Variants in CHERP observed in about 807,000 individuals in gnomAD.
CHERP encodes the protein ERPROT 213-21.
Under a neutral mutation model 113.8 loss-of-function variants are expected in CHERP, and 8 were observed. That is an observed-to-expected ratio of 0.07 (90% CI 0.04 to 0.13). The LOEUF is 0.13. CHERP is among the 10% of genes least tolerant of loss of function. The probability of loss-of-function intolerance (pLI) is 1.00; values close to 1 mark genes in which losing one functional copy is unlikely to be tolerated. For missense variants in CHERP, 884 were observed against 1,298.2 expected (o/e 0.68, Z 4.90); for synonymous variants, 559 against 524.5 (o/e 1.07, Z -0.90).
intron 9 of CHERP, among the ~76,000 whole-genome samples, chr19:16,527,510 G>A (rs1237004100): frequency 2.0e-5 from 3 of 152,194 alleles, no homozygotes; most frequent in African/African-American, 2.4e-5. Flanking sequence ...GGAAAGTCAC[G>A]CCCTGGAAGA....
intron 2 of CHERP, among the ~76,000 whole-genome samples, chr19:16,540,362 T>C (rs1299689575): frequency 6.6e-6 from 1 of 151,184 alleles, no homozygotes; most frequent in Non-Finnish European, 1.5e-5. Context: ...CCACTGGGCC[T>C]GGCCTCCTTT....
chr19:16,534,039 G>A (rs1398930828), intron 3 of CHERP, among the ~76,000 whole-genome samples: 7 of 150,300 alleles, frequency 4.7e-5, no homozygotes, highest in Non-Finnish European at 1.0e-4. Flanking sequence ...TGAGCATTCT[G>A]GAACTTTCTT....
intron 9 of CHERP, among the ~76,000 whole-genome samples, chr19:16,526,612 C>T (rs527902843): frequency 7.2e-5 from 11 of 152,088 alleles, no homozygotes; most frequent in African/African-American, 1.2e-4. Flanking sequence ...GGATTATAGG[C>T]GCCTGGCACC....
chr19:16,541,778 A>G (rs1008873954), intron 2 of CHERP, 92 bp downstream of exon 2: 5 of 1,340,310 alleles, frequency 3.7e-6, no homozygotes, highest in Middle Eastern at 2.7e-4. Context: ...AGAATAAACG[A>G]CCCGAAAGAA....
rs2085732302 is a variant in CHERP, at chr19:16,535,120, ACTGTGTGGTGGGGCCAATG to A, written c.384+313_384+331del. ...ACCAACAGCTCCAGGTGACCTAGCT[ACTGTGTGGTGGGGCCAATG>A]GTAGGCACCAGAGGCTGCCTGGCCA... On this transcript the variant is annotated intron_variant, in intron 3 of 16. Transcript: ENST00000546361. The surrounding 1 kb of genome is among the most constrained non-coding windows in gnomAD (Gnocchi z 4.3). Among the ~76,000 whole-genome samples, 1 of 151,870 alleles carries A rather than the reference ACTGTGTGGTGGGGCCAATG, an allele frequency of 6.6e-6. No homozygotes were observed. Among genetic ancestry groups the A allele is most frequent in the Non-Finnish European group, 1.5e-5 (1 of 67,984 alleles).
chr19:16,525,355 T>C lies in CHERP; in HGVS notation c.1628A>G (p.Asn543Ser), dbSNP rs767739698. The stretch of plus-strand genomic sequence containing the variant: ...GAAGCGGGGCGGGAAGCGGTTGAAG[T>C]TGTGGGGGTGCGGAGGCTGGTTGAA... Reference protein sequence around the residue: ...PQFNQPPHPHNFNRFPPRFMQ... With the variant: ...PQFNQPPHPHSFNRFPPRFMQ... The change falls in exon 10 of 17, where the codon AAC becomes AGC. Residue 543 changes from asparagine to serine, a missense_variant. Transcript: ENST00000546361. The surrounding 1 kb of genome is among the most constrained non-coding windows in gnomAD (Gnocchi z 6.5). The C allele has an allele frequency of 5.7e-5, 85 of 1,484,770 alleles. No homozygotes were observed. Among genetic ancestry groups the C allele is most frequent in the Non-Finnish European group, 7.2e-5 (81 of 1,117,250 alleles). 92.0% of individuals were successfully genotyped at this position (1,484,770 alleles called of 1,614,324 possible).
rs1217732194 is a variant in CHERP, at chr19:16,535,839, A to G, written c.200-203T>C. Among the ~76,000 whole-genome samples, 2 of 152,034 alleles carry G rather than the reference A, an allele frequency of 1.3e-5. No homozygotes were observed. Among genetic ancestry groups the G allele is most frequent in the Admixed American group, 6.5e-5 (1 of 15,274 alleles). On this transcript the variant is annotated intron_variant, in intron 2 of 16. Coordinates refer to ENST00000546361, the MANE Select transcript of CHERP (RefSeq NM_006387.6). This position sits in a 1 kb window ranked among gnomAD's most constrained non-coding sequence, Gnocchi z 4.3. ...CCTCTCACAGGATCCCAGCCTCAGC[A>G]TTCCATCTTCGGGCCGTCCCCTCCT...
At chr19:16,528,283 C>T (rs1292378179) in intron 8 of CHERP, 28 bp from the exon 9 acceptor site, 3 of 1,537,640 alleles carry the variant, frequency 2.0e-6, no homozygotes, top group Non-Finnish European at 2.6e-6. Context: ...GCAGTTAGAG[C>T]AGGCCTGGCA....
intron 2 of CHERP, among the ~76,000 whole-genome samples, chr19:16,538,890 G>A (rs1222799985): frequency 6.6e-6 from 1 of 151,756 alleles, no homozygotes; most frequent in Non-Finnish European, 1.5e-5. Context: ...TCGTCAATAT[G>A]CAACTGGCGC....
At position 16,532,630 on chromosome 19, in the gene CHERP, G is replaced by A. The variant is rs2085714296; in HGVS notation, c.642C>T (p.Leu214=). 2.5e-6 allele frequency: 4 copies of A among 1,610,804 alleles called. No individual in the cohort carries two copies. Among genetic ancestry groups the A allele is most frequent in the Non-Finnish European group, 3.4e-6 (4 of 1,179,536 alleles). The change falls in exon 5 of 17, where the codon CTC becomes CTT. Residue 214 remains leucine, a synonymous_variant. Transcript: ENST00000546361. The surrounding 1 kb of genome is among the most constrained non-coding windows in gnomAD (Gnocchi z 4.4). ...DGAHFELRLH[L]IYLINDVLHH... ...GCAGCACGTCATTGATCAGGTAGAT[G>A]AGGTGCAGCCGCAGCTCGAAGTGTG...
chr19:16,519,037 G>T lies in CHERP; in HGVS notation c.*122C>A. 1.1e-6 allele frequency: 1 copy of T among 895,688 alleles called. No individual in the cohort carries two copies. The highest frequency in any genetic ancestry group is 1.7e-6 in the Non-Finnish European group (1 of 594,740). The allele number at this position is 895,688 out of a possible 1,614,324, so 55.5% of individuals were successfully genotyped here. On this transcript the variant is annotated 3_prime_UTR_variant, in exon 17 of 17. Coordinates refer to ENST00000546361, the MANE Select transcript of CHERP (RefSeq NM_006387.6). This position sits in a 1 kb window ranked among gnomAD's most constrained non-coding sequence, Gnocchi z 6.0. ...CGCTGGTCTTCCTTCTCTTCCTGTG[G>T]CTCTCCACAAGTGGAGACGGTGTAA...
At chr19:16,541,225 T>C (rs2085777302) in intron 2 of CHERP, 2 of 152,180 alleles carry the variant, frequency 1.3e-5, no homozygotes, top group Admixed American at 1.3e-4. Flanking sequence ...CTCCTAGTTA[T>C]TCATTTAAAC....
chr19:16,519,661 G>C lies in CHERP; in HGVS notation c.2517C>G (p.Leu839=), dbSNP rs746781834. The change falls in exon 16 of 17, where the codon CTC becomes CTG. Residue 839 remains leucine (L), a synonymous_variant. Transcript: ENST00000546361. The surrounding 1 kb of genome is among the most constrained non-coding windows in gnomAD (Gnocchi z 6.0). The part of the protein sequence containing the change: ...NSAPPIPDSR[L]GEENKGHQML... ...TCTGATGGCCTTTGTTCTCTTCTCC[G>C]AGCCTTGAGTCAGGGATGGGAGGCG... The C allele has an allele frequency of 2.2e-5, 36 of 1,613,930 alleles. No homozygotes were observed. Among genetic ancestry groups the C allele is most frequent in the Non-Finnish European group, 2.8e-5 (33 of 1,180,016 alleles).
At chr19:16,534,732 C>A (rs1452708062) in intron 3 of CHERP, among the ~76,000 whole-genome samples, 1 of 152,144 alleles carries the variant, frequency 6.6e-6, no homozygotes, top group Non-Finnish European at 1.5e-5. Flanking sequence ...TCTCAGCCTC[C>A]CAAAGTGCTG....
intron 8 of CHERP, among the ~76,000 whole-genome samples, chr19:16,529,111 C>T (rs987450011): frequency 1.3e-5 from 2 of 152,188 alleles, no homozygotes; most frequent in African/African-American, 4.8e-5. Flanking sequence ...CAGCTCACTG[C>T]AGCCTCAATC....
Position 16,523,690 on chromosome 19 carries a change from G to A in CHERP, c.1742-400C>T, listed in dbSNP as rs2085637656. Among the ~76,000 whole-genome samples, 2 of 152,168 alleles carry A rather than the reference G, an allele frequency of 1.3e-5. No homozygotes were observed. The highest frequency in any genetic ancestry group is 2.1e-4 in the South Asian group (1 of 4,818). On this transcript the variant is annotated intron_variant, in intron 10 of 16. Coordinates refer to ENST00000546361, the MANE Select transcript of CHERP (RefSeq NM_006387.6). The surrounding 1 kb of genome is among the most constrained non-coding windows in gnomAD (Gnocchi z 4.0). Reference sequence around the variant, plus strand: ...AGCCATAGTGGCCCGAATCCAACGTGACTGTTGCCGTTATAATAAGAGATT... The same window carrying A: ...AGCCATAGTGGCCCGAATCCAACGTAACTGTTGCCGTTATAATAAGAGATT...
Position 16,520,854 on chromosome 19 carries a change from G to T in CHERP, c.2173C>A (p.Arg725=). The change falls in exon 13 of 17, where the codon CGG becomes AGG. Residue 725 remains arginine (R), a synonymous_variant. Transcript: ENST00000546361. This position sits in a 1 kb window ranked among gnomAD's most constrained non-coding sequence, Gnocchi z 4.0. ...TTCCTCTTCTCCTGGCCTTTCCTCC[G>T]CCGGGCCCGCATTTTTGCTCGGAAG... The part of the protein sequence containing the change: ...EFFRAKMRAR[R]RKGQEKRNSG... 1 of 1,613,716 alleles carries T rather than the reference G, an allele frequency of 6.2e-7. No individual in the cohort carries two copies. Among genetic ancestry groups the T allele is most frequent in the Non-Finnish European group, 8.5e-7 (1 of 1,180,022 alleles).
Position 16,525,765 on chromosome 19 carries a change from G to T in CHERP, c.1306-88C>A, listed in dbSNP as rs953444047. 4 of 1,263,324 alleles carry T rather than the reference G, an allele frequency of 3.2e-6. No individual in the cohort carries two copies. Among genetic ancestry groups the T allele is most frequent in the Non-Finnish European group, 4.2e-6 (4 of 953,938 alleles). 78.3% of individuals were successfully genotyped at this position (1,263,324 alleles called of 1,614,324 possible). A position where few individuals can be genotyped will look rare whatever the true frequency, so the allele number is the denominator to read the frequency against. On this transcript the variant is annotated intron_variant, in intron 9 of 16. Coordinates refer to ENST00000546361, the MANE Select transcript of CHERP (RefSeq NM_006387.6). The surrounding 1 kb of genome is among the most constrained non-coding windows in gnomAD (Gnocchi z 6.5). ...CAGCGCTCGGCAGCATCACAGCGCTGGCTCAGACCATGGAGGCGCTGCCCT... is the reference window on the plus strand; with the variant it reads ...CAGCGCTCGGCAGCATCACAGCGCTTGCTCAGACCATGGAGGCGCTGCCCT...
intron 7 of CHERP, 46 bp from the exon 8 acceptor site, chr19:16,529,946 C>T: frequency 6.3e-7 from 1 of 1,578,354 alleles, no homozygotes; most frequent in Non-Finnish European, 8.6e-7. Context: ...GGCCTTGGGG[C>T]TCGCTGCCTG....
Sources: allele counts gnomAD v4.1 joint callset (sites outside exome capture counted in the v4.1 genomes callset), GRCh38; gene constraint gnomAD v4.1.1; non-coding constraint Gnocchi (gnomAD v3.1); transcripts MANE v1.5; gene names NCBI Gene and HGNC (gene_info 2026-07-23, HGNC 2026-07-21).